POTEE: variants seen among roughly 807,000 people sequenced by gnomAD.
POTEE encodes the protein ANKRD26-like family C member 1A.
Under a neutral mutation model 74.2 loss-of-function variants are expected in POTEE, and 21 were observed. The ratio of observed to expected loss-of-function variants is 0.28; its 90% CI spans 0.20 to 0.41. The LOEUF is 0.41. Among genes scored for constraint, POTEE ranks in the 10% least tolerant of loss-of-function variants. POTEE has a pLI of 1.00. For synonymous variants in POTEE, 211 were observed against 432.8 expected, an observed-to-expected ratio of 0.49 and a Z score of 6.36; for missense variants, 525 against 1,158.6, an observed-to-expected ratio of 0.45 and a Z score of 7.94.
chr2:131,217,995 G>A, intron 3 of POTEE: 1 of 280,012 alleles, frequency 3.6e-6, no homozygotes, highest in South Asian at 3.9e-5. Flanking sequence ...TTGCGTTCTT[G>A]GCTTGGCTTG....
rs201044102 is a variant in POTEE, at chr2:131,263,995, G to A, written c.2540G>A (p.Arg847His). The change falls in exon 18 of 18, where the codon CGT (arginine) becomes CAT (histidine). Residue 847 changes from arginine to histidine, a missense_variant. Transcript: ENST00000683005. ...GTGCCGTCCCTGTACACCTCTGGCC[G>A]TACTACTGGCATCGTGATGGACTCT... ...QAVPSLYTSG[R>H]TTGIVMDSGD... The A allele has an allele frequency of 1.1e-3, 1,733 of 1,614,204 alleles. 9 individuals are homozygous for A. Among genetic ancestry groups the A allele is most frequent in the Middle Eastern group, 4.9e-3 (30 of 6,062 alleles).
At chr2:131,223,512 T>C (rs1700687850) in intron 4 of POTEE, 84 bp from the exon 5 acceptor site, 2 of 1,237,648 alleles carry the variant, frequency 1.6e-6, no homozygotes, top group African/African-American at 1.6e-5. Flanking sequence ...TAGCAGGCTA[T>C]TCAGTGTTTG....
chr2:131,226,557 G>A (rs549315141), intron 6 of POTEE, among the ~76,000 whole-genome samples: 16 of 146,550 alleles, frequency 1.1e-4, no homozygotes, highest in East Asian at 7.9e-4. Context: ...CCAAATGCTG[G>A]TTTAGAAGCA....
intron 9 of POTEE, among the ~76,000 whole-genome samples, chr2:131,233,511 T>G (rs1701029544): frequency 6.6e-6 from 1 of 151,402 alleles, no homozygotes; most frequent in Non-Finnish European, 1.5e-5. Context: ...CATACATCCT[T>G]GGAGTAGCAT....
At chr2:131,256,839 A>T (rs1462583363) in intron 16 of POTEE, among the ~76,000 whole-genome samples, 11 of 152,378 alleles carry the variant, frequency 7.2e-5, no homozygotes, top group African/African-American at 2.6e-4. Flanking sequence ...ACTAACAGAA[A>T]GGAATTAGGA....
At chr2:131,224,969 A>T (rs930157223) in intron 6 of POTEE, among the ~76,000 whole-genome samples, 5 of 152,144 alleles carry the variant, frequency 3.3e-5, no homozygotes, top group Non-Finnish European at 7.3e-5. Context: ...TGAGTTGACT[A>T]GACCCTGTTC....
intron 16 of POTEE, among the ~76,000 whole-genome samples, chr2:131,257,003 A>G (rs1701595479): frequency 6.6e-6 from 1 of 150,470 alleles, no homozygotes; most frequent in Non-Finnish European, 1.5e-5. Flanking sequence ...TGTTAACATC[A>G]TCATTTTTTA....
chr2:131,214,438 G>C (rs560952980), intron 2 of POTEE, among the ~76,000 whole-genome samples: 7 of 152,384 alleles, frequency 4.6e-5, no homozygotes, highest in African/African-American at 1.7e-4. Flanking sequence ...ATACAGGACA[G>C]GTCAGATAAA....
intron 2 of POTEE, among the ~76,000 whole-genome samples, chr2:131,216,158 C>T (rs554920629): frequency 6.6e-6 from 1 of 151,590 alleles, no homozygotes; most frequent in Non-Finnish European, 1.5e-5. Flanking sequence ...GATTTGTATA[C>T]TGAAAATTAT....
At chr2:131,226,302 TTAAA>T (rs1244665230) in intron 6 of POTEE, among the ~76,000 whole-genome samples, 14 of 139,524 alleles carry the variant, frequency 1.0e-4, no homozygotes, top group South Asian at 2.6e-4. Context: ...CAAATAGATT[TTAAA>T]TAAATAAATG....
intron 2 of POTEE, among the ~76,000 whole-genome samples, chr2:131,216,971 T>C (rs1214733316): frequency 1.3e-5 from 2 of 152,260 alleles, no homozygotes; most frequent in African/African-American, 4.8e-5. Flanking sequence ...AAAGTTTCTT[T>C]TAAGGAGCAT....
At chr2:131,230,079 C>T (rs1345720161) in intron 8 of POTEE, among the ~76,000 whole-genome samples, 1 of 152,068 alleles carries the variant, frequency 6.6e-6, no homozygotes, top group African/African-American at 2.4e-5. Flanking sequence ...TGGTCCAAGT[C>T]AGGTCTTAAC....
At position 131,263,793 on chromosome 2, in the gene POTEE, G is replaced by A. The variant is rs751645572; in HGVS notation, c.2338G>A (p.Asp780Asn). The change falls in exon 18 of 18, where the codon GAT becomes AAT. Residue 780 changes from aspartate (D) to asparagine (N), a missense_variant. Transcript: ENST00000683005. ...GGAACACGGCATCATCACCAACTGG[G>A]ATGACATGGAGAAGATCTGGCACCA... ...PMEHGIITNW[D>N]DMEKIWHHTF... The A allele has an allele frequency of 6.2e-7, 1 of 1,613,756 alleles. No homozygotes were observed. The highest frequency in any genetic ancestry group is 8.5e-7 in the Non-Finnish European group (1 of 1,180,008).
Position 131,218,877 on chromosome 2 carries a change from G to A in POTEE, c.475G>A (p.Val159Ile), listed in dbSNP as rs370493548. Residue 159 changes from valine (V) to isoleucine (I), a missense_variant, in exon 4 of 18, where the codon GTC becomes ATC. Physicochemically the swap from Val to Ile is conservative, Grantham distance 29 (BLOSUM62 3). Coordinates refer to ENST00000683005, the MANE Select transcript of POTEE (RefSeq NM_001083538.3). ...WGKVPRKDLI[V>I]MLRDTDVNKK... ...TAAAGTCCCCAGAAAGGATCTCATC[G>A]TCATGCTCAGGGACACTGACGTGAA... The A allele has an allele frequency of 7.3e-5, 117 of 1,613,016 alleles. No individual in the cohort carries two copies. Among genetic ancestry groups the A allele is most frequent in the Non-Finnish European group, 9.4e-5 (111 of 1,179,922 alleles).
chr2:131,220,877 C>T (rs994994179), intron 4 of POTEE, among the ~76,000 whole-genome samples: 7 of 148,308 alleles, frequency 4.7e-5, no homozygotes, highest in Admixed American at 2.1e-4. Context: ...AAGAGAATTG[C>T]TTGAACCAGG....
chr2:131,210,622 C>T (rs1700337586), intron 1 of POTEE, among the ~76,000 whole-genome samples: 1 of 151,884 alleles, frequency 6.6e-6, no homozygotes, highest in African/African-American at 2.4e-5. Context: ...CACCTCCCGC[C>T]CACACCCCAT....
At chr2:131,223,211 A>AT (rs1700677519) in intron 4 of POTEE, among the ~76,000 whole-genome samples, 1 of 123,454 alleles carries the variant, frequency 8.1e-6, no homozygotes, top group Non-Finnish European at 1.7e-5. Flanking sequence ...GAACTATTCT[A>AT]TATCTTTGGT....
At chr2:131,248,176 C>T (rs1455952173) in intron 13 of POTEE, among the ~76,000 whole-genome samples, 2 of 71,616 alleles carry the variant, frequency 2.8e-5, no homozygotes, top group African/African-American at 9.3e-5. Flanking sequence ...CTTCGTTATG[C>T]CCTTTTCACT....
rs1434232920 is a variant in POTEE, at chr2:131,264,952, A to G, written c.*269A>G. 2 of 588,870 alleles carry G rather than the reference A, an allele frequency of 3.4e-6. No individual in the cohort carries two copies. Among genetic ancestry groups the G allele is most frequent in the Non-Finnish European group, 6.0e-6 (2 of 334,310 alleles). The allele number at this position is 588,870 out of a possible 1,614,324, so 36.5% of individuals were successfully genotyped here. On this transcript the variant is annotated 3_prime_UTR_variant, in exon 18 of 18. Coordinates refer to ENST00000683005, the MANE Select transcript of POTEE (RefSeq NM_001083538.3). The stretch of plus-strand genomic sequence containing the variant: ...AGTCATTCCAAATATTGTGAGACGC[A>G]TTGTTTCAGGAAGCCCCTTGCCCTG...
Sources: allele counts gnomAD v4.1 joint callset (sites outside exome capture counted in the v4.1 genomes callset), GRCh38; gene constraint gnomAD v4.1.1; transcripts MANE v1.5; gene names NCBI Gene and HGNC (gene_info 2026-07-23, HGNC 2026-07-21).